PP2D1: variants seen among roughly 807,000 people sequenced by gnomAD.
PP2D1 encodes protein phosphatase 2C like domain containing 1, also known as protein phosphatase 2C-like domain-containing protein 1.
A neutral mutation model predicts 30.2 loss-of-function variants in PP2D1; 25 were observed. The observed-to-expected ratio is 0.83, with a 90% CI of 0.60 to 1.16. The LOEUF (loss-of-function observed/expected upper bound fraction) is 1.16. PP2D1 is among the 50% of genes most tolerant of loss of function. PP2D1 has a pLI of 0.00. For synonymous variants in PP2D1, 260 were observed against 258.9 expected (o/e 1.00, Z -0.04); for missense variants, 760 against 742.4 (o/e 1.02, Z -0.28).
chr3:20,000,728 A>C (rs1282560600), intron 2 of PP2D1, among the ~76,000 whole-genome samples: 1 of 152,256 alleles, frequency 6.6e-6, no homozygotes, highest in East Asian at 1.9e-4. Flanking sequence ...AGATTTAAGC[A>C]TATGTAGTAA....
Position 19,996,014 on chromosome 3 carries a change from G to A in PP2D1, c.1090+5016C>T, listed in dbSNP as rs79538940. Among the ~76,000 whole-genome samples the A allele has an allele frequency of 9.7e-3, 1,480 of 151,960 alleles. 25 individuals are homozygous for A. The highest frequency in any genetic ancestry group is 0.031 in the African/African-American group (1,303 of 41,476). ...TAGTAATAAACTCCAAATAAACAAC[G>A]TAACAATGCACTGCAAGAAACTAGG... On this transcript the variant is annotated intron_variant, in intron 2 of 2. Transcript: ENST00000389050.
At position 19,985,936 on chromosome 3, in the gene PP2D1, A is replaced by G; in HGVS notation, c.1337T>C (p.Leu446Pro). ...AGTAGCTACAATAAGGAATTGACAT[A>G]GGTCATCTATAGGGACAGAAATAGT... The part of the protein sequence containing the change: ...PQTISVPIDD[L>P]CQFLIVATNG... The change falls in exon 3 of 3, where the codon CTA becomes CCA. Residue 446 changes from leucine (L) to proline (P), a missense_variant. Transcript: ENST00000389050. 1 of 1,536,370 alleles carries G rather than the reference A, an allele frequency of 6.5e-7. No homozygotes were observed. Among genetic ancestry groups the G allele is most frequent in the Non-Finnish European group, 8.7e-7 (1 of 1,146,946 alleles).
chr3:19,997,801 C>G (rs1041607729), intron 2 of PP2D1, among the ~76,000 whole-genome samples: 4 of 152,016 alleles, frequency 2.6e-5, no homozygotes, highest in African/African-American at 9.7e-5. Context: ...TATGTGGGTC[C>G]TAAAAATTGT....
At chr3:19,984,339 C>T (rs1432180322), downstream of PP2D1, 1 of 397,290 alleles carries the variant, frequency 2.5e-6, no homozygotes, top group Non-Finnish European at 4.9e-6. Flanking sequence ...AAATTAACCA[C>T]AAGAAAATAA....
Position 20,012,047 on chromosome 3 carries a change from T to A in PP2D1, c.23+3A>T, listed in dbSNP as rs1697394580. 6.5e-7 allele frequency: 1 copy of A among 1,530,768 alleles called. No individual in the cohort carries two copies. Among genetic ancestry groups the A allele is most frequent in the African/African-American group, 1.4e-5 (1 of 72,846 alleles). 94.8% of individuals were successfully genotyped at this position (1,530,768 alleles called of 1,614,324 possible). ...TATCCAAAAAAGATTTAAGAAAGTTTACCTTAAAGCATTATTGGTGCTCAT... is the reference window on the plus strand; with the variant it reads ...TATCCAAAAAAGATTTAAGAAAGTTAACCTTAAAGCATTATTGGTGCTCAT... On this transcript the variant is annotated splice_donor_region_variant and intron_variant, in intron 1 of 2. Coordinates refer to ENST00000389050, the MANE Select transcript of PP2D1 (RefSeq NM_001252657.2).
At chr3:20,009,053 G>A (rs1697356034) in intron 1 of PP2D1, among the ~76,000 whole-genome samples, 1 of 152,218 alleles carries the variant, frequency 6.6e-6, no homozygotes, top group Admixed American at 6.5e-5. Flanking sequence ...AGATCGATGG[G>A]AGAGGATTGT....
In PP2D1 at chr3:19,985,555, C is replaced by T; in HGVS notation, c.1718G>A (p.Ser573Asn). Residue 573 changes from serine (S) to asparagine (N), a missense_variant, in exon 3 of 3, where the codon AGT becomes AAT. Ser to Asn is a conservative substitution (Grantham distance 46). Around this residue, in one of 3 missense-constraint regions of PP2D1, gnomAD observed 369 missense variants for 316.2 expected, o/e 1.17. Transcript: ENST00000389050. Reference protein sequence around the residue: ...CSEKVTDRPTSVNDVATNEKE... With the variant: ...CSEKVTDRPTNVNDVATNEKE... The stretch of plus-strand genomic sequence containing the variant: ...TTCATTTGTTGCCACATCATTTACA[C>T]TAGTTGGTCTGTCAGTTACTTTTTC... The T allele has an allele frequency of 6.5e-7, 1 of 1,536,072 alleles. No individual in the cohort carries two copies. Among genetic ancestry groups the T allele is most frequent in the Non-Finnish European group, 8.7e-7 (1 of 1,146,878 alleles).
downstream of PP2D1, chr3:19,983,756 C>A: frequency 6.2e-7 from 1 of 1,612,452 alleles, no homozygotes; most frequent in Non-Finnish European, 8.5e-7. Flanking sequence ...GCAAATTCTG[C>A]CAGAGGAAGA....
At chr3:19,993,733 G>C (rs931748549) in intron 2 of PP2D1, among the ~76,000 whole-genome samples, 1 of 151,844 alleles carries the variant, frequency 6.6e-6, no homozygotes, top group African/African-American at 2.4e-5. Flanking sequence ...GAGCAAGACT[G>C]TTTGTTTGTT....
chr3:19,985,625 C>T lies in PP2D1; in HGVS notation c.1648G>A (p.Val550Ile), dbSNP rs776339777. 5.2e-6 allele frequency: 8 copies of T among 1,535,754 alleles called. No individual in the cohort carries two copies. The highest frequency in any genetic ancestry group is 8.7e-7 in the Non-Finnish European group (1 of 1,146,588). The change falls in exon 3 of 3, where the codon GTA (valine) becomes ATA (isoleucine). Residue 550 changes from valine (V) to isoleucine (I), a missense_variant. Physicochemically the swap from Val to Ile is conservative, Grantham distance 29. Around this residue, in one of 3 missense-constraint regions of PP2D1, gnomAD observed 369 missense variants for 316.2 expected, o/e 1.17. Transcript: ENST00000389050. ...GTCGTTTCTGCTGGAAATGTTTCTA[C>T]ATTCTCAGGGTTATAAATACAGTAT... ...SKYCIYNPEN[V>I]ETFPAETTHR... is the part of the protein sequence containing the mutation.
At chr3:19,984,315 T>C (rs148311294), downstream of PP2D1, 17 of 414,478 alleles carry the variant, frequency 4.1e-5, no homozygotes, top group Admixed American at 4.8e-4. Context: ...AAAATGTACA[T>C]TCCACATTTT....
At chr3:19,983,069 G>T (rs1451447851), downstream of PP2D1, among the ~76,000 whole-genome samples, 1 of 152,134 alleles carries the variant, frequency 6.6e-6, no homozygotes, top group Non-Finnish European at 1.5e-5. Context: ...AGGTGCCATG[G>T]CTCACGCCTA....
intron 2 of PP2D1, among the ~76,000 whole-genome samples, chr3:19,988,606 AC>A (rs1559496430): frequency 6.6e-6 from 1 of 152,050 alleles, no homozygotes; most frequent in Non-Finnish European, 1.5e-5. Flanking sequence ...GATCTCTGTG[AC>A]CCACACCTTA....
rs1344095731 is a variant in PP2D1, at chr3:19,986,011, C to A, written c.1262G>T (p.Gly421Val). The A allele has an allele frequency of 6.5e-7, 1 of 1,536,036 alleles. No homozygotes were observed. Among genetic ancestry groups the A allele is most frequent in the Non-Finnish European group, 8.7e-7 (1 of 1,146,868 alleles). Reference protein sequence around the residue: ...EGQVKTTRGLGFHGNLKLKKS... With the variant: ...EGQVKTTRGLVFHGNLKLKKS... The stretch of plus-strand genomic sequence containing the variant: ...TTTCAGCTTGAGATTTCCATGAAAT[C>A]CAAGTCCTCGTGTAGTTTTTACTTG... The change falls in exon 3 of 3, where the codon GGA becomes GTA. Residue 421 changes from glycine to valine, a missense_variant. Physicochemically the swap from Gly to Val is moderately radical, Grantham distance 109. Transcript: ENST00000389050.
At chr3:19,989,594 T>C (rs1222708086) in intron 2 of PP2D1, among the ~76,000 whole-genome samples, 1 of 152,230 alleles carries the variant, frequency 6.6e-6, no homozygotes, top group Non-Finnish European at 1.5e-5. Context: ...AGTAAAATCT[T>C]GACTTTTGCT....
chr3:19,987,616 G>C (rs992617414), intron 2 of PP2D1, among the ~76,000 whole-genome samples: 2 of 152,064 alleles, frequency 1.3e-5, no homozygotes, highest in African/African-American at 4.8e-5. Flanking sequence ...GGCTTAGAAG[G>C]TTGAGGTCCA....
At chr3:19,998,785 T>G (rs562980324) in intron 2 of PP2D1, among the ~76,000 whole-genome samples, 2 of 152,322 alleles carry the variant, frequency 1.3e-5, no homozygotes, top group African/African-American at 4.8e-5. Flanking sequence ...CCTAATTCCC[T>G]TGCTATAATT....
chr3:19,986,383 C>T (rs1416232172), intron 2 of PP2D1, among the ~76,000 whole-genome samples: 3 of 152,140 alleles, frequency 2.0e-5, no homozygotes, highest in African/African-American at 4.8e-5. Flanking sequence ...CAATTTATCC[C>T]TCATTGTTAA....
Position 20,007,966 on chromosome 3 carries a change from G to C in PP2D1, c.23+4084C>G, listed in dbSNP as rs962719109. On this transcript the variant is annotated intron_variant, in intron 1 of 2. Transcript: ENST00000389050. ...GTGGCGCTGCCAATCTCCTTAACTC[G>C]ATAGCCAGATCTTTTAATATCTGTA... 5.0e-5 allele frequency: 11 copies of C among 221,928 alleles called. 2 individuals are homozygous for C. In the South Asian group the frequency reaches 9.0e-4, roughly 18 times the overall value. The allele number at this position is 221,928 out of a possible 1,614,324, so 13.7% of individuals were successfully genotyped here. A position where few individuals can be genotyped will look rare whatever the true frequency, so the allele number is the denominator to read the frequency against.
Sources: allele counts gnomAD v4.1 joint callset (sites outside exome capture counted in the v4.1 genomes callset), GRCh38; gene constraint gnomAD v4.1.1; regional missense constraint gnomAD v4.1.1; transcripts MANE v1.5; gene names NCBI Gene and HGNC (gene_info 2026-07-23, HGNC 2026-07-21).